The following SORCS3 variants were observed in gnomAD, a reference collection of about 807,000 sequenced individuals.
SORCS3 encodes VPS10 domain-containing receptor SorCS3.
Under a neutral mutation model 146.3 loss-of-function variants are expected in SORCS3, and 57 were observed. The observed-to-expected ratio is 0.39, with a 90% confidence interval of 0.31 to 0.49. The LOEUF (loss-of-function observed/expected upper bound fraction) is 0.49, where lower values mean the gene tolerates loss of function less well. Among genes scored for constraint, SORCS3 ranks in the 20% least tolerant of loss-of-function variants. SORCS3 has a pLI of 0.92. For missense variants in SORCS3, 1,341 were observed against 1,575.5 expected (o/e 0.85, Z 2.52); for synonymous variants, 653 against 618.5 (o/e 1.06, Z -0.83).
At position 105,158,916 on chromosome 10, in the gene SORCS3, C is replaced by T; in HGVS notation, c.1654C>T (p.Leu552=). The T allele has an allele frequency of 1.2e-6, 2 of 1,612,910 alleles. No homozygotes were observed. The highest frequency in any genetic ancestry group is 1.7e-6 in the Non-Finnish European group (2 of 1,179,132). ...GCCCTTCTGTTCCTTACATCTGCAC[C>T]TGCAACTCTCTGAAAATCCATATTC... ...LLPFCSLHLH[L]QLSENPYSSG... is the part of the protein sequence containing the mutation. The change falls in exon 11 of 27, where the codon CTG becomes TTG. Residue 552 remains leucine, a synonymous_variant. Transcript: ENST00000369701.
chr10:104,762,421 C>T (rs1350196254), intron 1 of SORCS3, among the ~76,000 whole-genome samples: 1 of 152,182 alleles, frequency 6.6e-6, no homozygotes, highest in Non-Finnish European at 1.5e-5. Context: ...TCCAACGATG[C>T]CAGCTGGCTG....
intron 1 of SORCS3, among the ~76,000 whole-genome samples, chr10:104,748,881 C>T (rs1053639390): frequency 2.6e-5 from 4 of 152,068 alleles, no homozygotes; most frequent in African/African-American, 7.2e-5. Context: ...TCTTTAGATT[C>T]TCCTTCCGGG....
chr10:104,693,942 A>C (rs2016144041), intron 1 of SORCS3, among the ~76,000 whole-genome samples: 1 of 152,114 alleles, frequency 6.6e-6, no homozygotes, highest in African/African-American at 2.4e-5. Flanking sequence ...ATGTAATAGA[A>C]AATAGATTTT....
chr10:104,878,680 A>T (rs999514194), intron 2 of SORCS3, among the ~76,000 whole-genome samples: 2 of 152,258 alleles, frequency 1.3e-5, no homozygotes, highest in African/African-American at 2.4e-5. Flanking sequence ...TAAAAATAAC[A>T]TAATCCAATA....
intron 5 of SORCS3, among the ~76,000 whole-genome samples, chr10:105,063,105 G>C (rs2055498901): frequency 6.6e-6 from 1 of 152,142 alleles, no homozygotes; most frequent in Non-Finnish European, 1.5e-5. Context: ...TACAGCCTGT[G>C]CTAGCTTTAA....
chr10:105,154,181 C>T (rs555106226), intron 9 of SORCS3, among the ~76,000 whole-genome samples: 3 of 152,154 alleles, frequency 2.0e-5, no homozygotes, highest in African/African-American at 7.2e-5. Flanking sequence ...GTCATCTTCC[C>T]TCTGCTTTAT....
At chr10:105,250,064 T>C (rs1184295228) in intron 22 of SORCS3, among the ~76,000 whole-genome samples, 1 of 152,246 alleles carries the variant, frequency 6.6e-6, no homozygotes, top group African/African-American at 2.4e-5. Context: ...TGCTGGTAGA[T>C]TTGATGTCTG....
intron 5 of SORCS3, among the ~76,000 whole-genome samples, chr10:105,086,862 C>T (rs758717923): frequency 2.0e-5 from 3 of 152,158 alleles, no homozygotes; most frequent in Non-Finnish European, 4.4e-5. Context: ...CTGTAGGTTG[C>T]CTGTTCACTC....
At position 105,089,781 on chromosome 10, in the gene SORCS3, G is replaced by T. The variant is rs894725794; in HGVS notation, c.1035G>T (p.Val345=). ...CTCTCCCTTCCTTTCCCAGGTCGGT[G>T]GCCGGATTGGATAAGGAGGCGGACC... ...RITPNRFYWS[V]AGLDKEADLV... The change falls in exon 6 of 27, where the codon GTG becomes GTT. Residue 345 remains valine (V), a synonymous_variant. Transcript: ENST00000369701. 6.2e-7 allele frequency: 1 copy of T among 1,613,910 alleles called. No homozygotes were observed. Among genetic ancestry groups the T allele is most frequent in the Non-Finnish European group, 8.5e-7 (1 of 1,179,944 alleles).
At chr10:104,988,225 T>C (rs1026312095) in intron 4 of SORCS3, among the ~76,000 whole-genome samples, 4 of 152,136 alleles carry the variant, frequency 2.6e-5, no homozygotes, top group South Asian at 2.1e-4. Flanking sequence ...TCTTCCTGGT[T>C]GATAGGTGGG....
At chr10:104,647,049 T>C (rs958345325) in intron 1 of SORCS3, among the ~76,000 whole-genome samples, 4 of 152,072 alleles carry the variant, frequency 2.6e-5, no homozygotes, top group Admixed American at 2.0e-4. Context: ...AATTAGAAAT[T>C]GTTGTTGCCT....
chr10:104,840,264 C>T (rs183708218), intron 1 of SORCS3, among the ~76,000 whole-genome samples: 47 of 152,278 alleles, frequency 3.1e-4, no homozygotes, highest in African/African-American at 1.0e-3. Context: ...TGCAGAACGC[C>T]TGCGTCTTTG....
chr10:105,185,207 C>G (rs975217880), intron 14 of SORCS3, among the ~76,000 whole-genome samples: 5 of 152,166 alleles, frequency 3.3e-5, no homozygotes, highest in African/African-American at 1.2e-4. Context: ...ACATATAAGT[C>G]TCACCTCTTT....
At chr10:105,126,991 GACCCATGGT>G (rs1372139689) in intron 7 of SORCS3, among the ~76,000 whole-genome samples, 1 of 152,136 alleles carries the variant, frequency 6.6e-6, no homozygotes, top group Non-Finnish European at 1.5e-5. Context: ...ACAGCTCCAT[GACCCATGGT>G]ACTTAATACA....
At chr10:105,010,012 C>T (rs2055124164) in intron 4 of SORCS3, among the ~76,000 whole-genome samples, 2 of 152,142 alleles carry the variant, frequency 1.3e-5, no homozygotes, top group South Asian at 4.1e-4. Flanking sequence ...GTCCCAAAGT[C>T]AATCAAACCC....
intron 1 of SORCS3, among the ~76,000 whole-genome samples, chr10:104,824,848 G>A (rs1173019917): frequency 1.3e-5 from 2 of 152,178 alleles, no homozygotes; most frequent in Non-Finnish European, 2.9e-5. Flanking sequence ...AGGGAGCACT[G>A]CCCCTGACAG....
chr10:104,721,762 G>T (rs543733616), intron 1 of SORCS3, among the ~76,000 whole-genome samples: 2 of 151,994 alleles, frequency 1.3e-5, no homozygotes, highest in African/African-American at 4.8e-5. Flanking sequence ...GTTCACTCAT[G>T]ATTTGGCTCT....
At chr10:104,804,558 C>T (rs994477704) in intron 1 of SORCS3, among the ~76,000 whole-genome samples, 1 of 152,092 alleles carries the variant, frequency 6.6e-6, no homozygotes, top group Admixed American at 6.6e-5. Context: ...ACAGAGGCCA[C>T]GATAGAGGAA....
At chr10:104,837,403 T>C (rs185891095) in intron 1 of SORCS3, among the ~76,000 whole-genome samples, 89 of 152,340 alleles carry the variant, frequency 5.8e-4, no homozygotes, top group Admixed American at 1.6e-3. Context: ...AGAGACAGAC[T>C]TCTCTGCTAT....
Sources: gnomAD v4.1 joint callset for allele counts (sites outside exome capture counted in the v4.1 genomes callset) on GRCh38, gnomAD v4.1.1 for gene constraint, MANE v1.5 for transcripts, NCBI Gene and HGNC (gene_info 2026-07-23, HGNC 2026-07-21) for gene names.